COL4A3: variants seen among roughly 807,000 people sequenced by gnomAD.
The protein encoded by COL4A3 is collagen alpha-3(IV) chain.
Under a neutral mutation model 217.4 loss-of-function variants are expected in COL4A3, and 135 were observed. That is an observed-to-expected ratio of 0.62 (90% confidence interval 0.54 to 0.72). The LOEUF (loss-of-function observed/expected upper bound fraction) is 0.72. Among genes scored for constraint, COL4A3 ranks in the 30% least tolerant of loss-of-function variants. The probability of loss-of-function intolerance (pLI) is 0.00; values close to 1 mark genes in which losing one functional copy is unlikely to be tolerated. For synonymous variants in COL4A3, 690 were observed against 736.3 expected, an observed-to-expected ratio of 0.94 and a Z score of 1.02; for missense variants, 1,868 against 2,119.9, an observed-to-expected ratio of 0.88 and a Z score of 2.33.
intron 18 of COL4A3, 116 bp downstream of exon 18, chr2:227,257,760 C>T: frequency 1.0e-6 from 1 of 974,968 alleles, no homozygotes; most frequent in South Asian, 1.3e-5. Context: ...TAACATTTAC[C>T]TTGTTGTCAA....
At chr2:227,184,216 G>C (rs564864906) in intron 1 of COL4A3, among the ~76,000 whole-genome samples, 1 of 152,274 alleles carries the variant, frequency 6.6e-6, no homozygotes, top group South Asian at 2.1e-4. Context: ...AACAAATGCA[G>C]ACCAGCAAGT....
intron 20 of COL4A3, 43 bp downstream of exon 20, chr2:227,261,160 A>G (rs769709879): frequency 2.0e-6 from 3 of 1,490,202 alleles, no homozygotes; most frequent in South Asian, 1.1e-5. Flanking sequence ...ATGCTATTAC[A>G]AAGGAAAATA....
intron 1 of COL4A3, among the ~76,000 whole-genome samples, chr2:227,216,102 A>T (rs2067518896): frequency 6.6e-6 from 1 of 152,102 alleles, no homozygotes. Context: ...ATTGCTGCTT[A>T]ATAGGTACAA....
rs2066894009 is a variant in COL4A3 at position 227,203,270 on chromosome 2, T to TATATAC, written c.88-34693_88-34692insCATATA. On this transcript the variant is annotated intron_variant, in intron 1 of 51. Transcript: ENST00000396578. ...ATATATGTATATATACATATATGTG[T>TATATAC]ATATATGTGTATATATACATATATG... 2.4e-4 allele frequency among the ~76,000 whole-genome samples: 5 copies of TATATAC among 20,914 alleles called. 2 individuals are homozygous for TATATAC. In the South Asian group the frequency reaches 6.5e-3, roughly 27 times the overall value. The allele number at this position is 20,914 out of a possible 152,430, so 13.7% of individuals were successfully genotyped here. A position where few individuals can be genotyped will look rare whatever the true frequency, so the allele number is the denominator to read the frequency against.
At chr2:227,221,343 C>T (rs12620653) in intron 1 of COL4A3, 17,005 of 152,076 alleles carry the variant, frequency 0.11, 1,153 homozygotes, top group East Asian at 0.34. Flanking sequence ...TTCCTTTATC[C>T]ATTGCTTTGT....
intron 20 of COL4A3, among the ~76,000 whole-genome samples, chr2:227,263,554 AT>A (rs2070720522): frequency 6.6e-6 from 1 of 152,144 alleles, no homozygotes; most frequent in African/African-American, 2.4e-5. Context: ...CTTGTAATAA[AT>A]TTTCTTGTGG....
chr2:227,244,889 T>C (rs892003772), intron 4 of COL4A3, 62 bp from the exon 5 acceptor site: 8 of 1,481,854 alleles, frequency 5.4e-6, no homozygotes, highest in Admixed American at 3.4e-5. Context: ...TTTATGTTTA[T>C]AGATTGAACA....
At chr2:227,277,729 G>T (rs944806367) in intron 28 of COL4A3, among the ~76,000 whole-genome samples, 176 bp downstream of exon 28, 1 of 152,184 alleles carries the variant, frequency 6.6e-6, no homozygotes, top group Non-Finnish European at 1.5e-5. Flanking sequence ...GCCAGGCGCA[G>T]TGGCTAATGC....
chr2:227,270,338 A>AC (rs750680491), intron 24 of COL4A3, among the ~76,000 whole-genome samples: 38 of 152,320 alleles, frequency 2.5e-4, no homozygotes, highest in South Asian at 1.4e-3. Flanking sequence ...ATTGAATTGT[A>AC]CTCTTATAAA....
At chr2:227,225,584 G>A (rs1421866939) in intron 1 of COL4A3, among the ~76,000 whole-genome samples, 1 of 152,114 alleles carries the variant, frequency 6.6e-6, no homozygotes, top group African/African-American at 2.4e-5. Flanking sequence ...GTGGTTCCCA[G>A]TGCAGGGTTG....
At chr2:227,201,793 C>G (rs2066696874) in intron 1 of COL4A3, among the ~76,000 whole-genome samples, 1 of 152,174 alleles carries the variant, frequency 6.6e-6, no homozygotes, top group African/African-American at 2.4e-5. Flanking sequence ...AAATTAATTA[C>G]TCTTGTCTAT....
At chr2:227,272,861 A>ATGAAT in intron 25 of COL4A3, 88 bp from the exon 26 acceptor site, 3 of 1,334,442 alleles carry the variant, frequency 2.2e-6, no homozygotes, top group Non-Finnish European at 3.2e-6. Flanking sequence ...ATGACAGCCT[A>ATGAAT]ACTGGTATTC....
At chr2:227,277,352 A>T in intron 27 of COL4A3, 97 bp from the exon 28 acceptor site, 1 of 767,016 alleles carries the variant, frequency 1.3e-6, no homozygotes, top group Non-Finnish European at 2.2e-6. Flanking sequence ...AATGTGCAAA[A>T]GGGATAGGAC....
Position 227,311,798 on chromosome 2 carries a change from A to C in COL4A3, c.4941A>C (p.Pro1647=). Residue 1647 remains proline (P), a synonymous_variant, in exon 52 of 52, where the codon CCA becomes CCC. Coordinates refer to ENST00000396578, the MANE Select transcript of COL4A3 (RefSeq NM_000091.5). ...NPERMFRKPI[P]STVKAGELEK... ...GTTTTTATTTCAGAAAGCCTATTCC[A>C]TCAACTGTGAAAGCTGGGGAATTAG... 1.2e-6 allele frequency: 2 copies of C among 1,613,948 alleles called. No individual in the cohort carries two copies. The highest frequency in any genetic ancestry group is 1.7e-6 in the Non-Finnish European group (2 of 1,179,968).
Position 227,250,343 on chromosome 2 carries a change from GA to G in COL4A3, c.547-796del. 8.6e-5 allele frequency among the ~76,000 whole-genome samples: 1 copy of G among 11,666 alleles called. No individual in the cohort carries two copies. Among genetic ancestry groups the G allele is most frequent in the African/African-American group, 2.3e-4 (1 of 4,382 alleles). The allele number at this position is 11,666 out of a possible 152,430, so 7.7% of individuals were successfully genotyped here. The stretch of plus-strand genomic sequence containing the variant: ...ATAGGTAGATAGATAAAAGATGATA[GA>G]TAGATAGATAGATAGATAGATAGAT... On this transcript the variant is annotated intron_variant, in intron 9 of 51. Transcript: ENST00000396578. The surrounding 1 kb of genome is among the most constrained non-coding windows in gnomAD (Gnocchi z 4.1).
intron 1 of COL4A3, among the ~76,000 whole-genome samples, chr2:227,170,214 A>G (rs897074861): frequency 4.0e-5 from 6 of 150,884 alleles, no homozygotes; most frequent in African/African-American, 1.5e-4. Context: ...CTTATTTAAC[A>G]GTTTGTAGAT....
Position 227,289,209 on chromosome 2 carries a change from A to C in COL4A3, c.2941A>C (p.Lys981Gln). 1.2e-6 allele frequency: 2 copies of C among 1,613,952 alleles called. No individual in the cohort carries two copies. Among genetic ancestry groups the C allele is most frequent in the Non-Finnish European group, 8.5e-7 (1 of 1,179,932 alleles). The part of the protein sequence containing the change: ...NRGVPGMPGL[K>Q]GLKGLPGPAG... ...AGGCGTTCCAGGGATGCCAGGTTTAAAGGGCCTCAAAGGACTACCCGGACC... is the reference window on the plus strand; with the variant it reads ...AGGCGTTCCAGGGATGCCAGGTTTACAGGGCCTCAAAGGACTACCCGGACC... Residue 981 changes from lysine (K) to glutamine (Q), a missense_variant, in exon 35 of 52, where the codon AAG (lysine) becomes CAG (glutamine). Physicochemically the swap from Lys to Gln is moderately conservative, Grantham distance 53 (BLOSUM62 1). Coordinates refer to ENST00000396578, the MANE Select transcript of COL4A3 (RefSeq NM_000091.5).
intron 14 of COL4A3, 24 bp downstream of exon 14, chr2:227,254,198 T>C (rs1451036574): frequency 1.9e-6 from 3 of 1,597,052 alleles, no homozygotes; most frequent in Non-Finnish European, 2.6e-6. Flanking sequence ...AGTTATATTG[T>C]CCCCATAACA....
At chr2:227,210,504 T>C (rs148151356) in intron 1 of COL4A3, among the ~76,000 whole-genome samples, 11,885 of 147,648 alleles carry the variant, frequency 0.08, 679 homozygotes, top group East Asian at 0.21. Context: ...ACAGGAGAAT[T>C]GTTTGAACCT....
Sources: allele counts gnomAD v4.1 joint callset (sites outside exome capture counted in the v4.1 genomes callset), GRCh38; gene constraint gnomAD v4.1.1; non-coding constraint Gnocchi (gnomAD v3.1); transcripts MANE v1.5; gene names NCBI Gene and HGNC (gene_info 2026-07-23, HGNC 2026-07-21).